Variants in GPR83 observed in about 807,000 individuals in gnomAD.
GPR83 encodes the protein G protein-coupled receptor 83.
Under a neutral mutation model 28.0 loss-of-function variants are expected in GPR83, and 23 were observed. The ratio of observed to expected loss-of-function variants is 0.82; its 90% CI spans 0.59 to 1.16. GPR83 has a LOEUF of 1.16. GPR83 is among the 50% of genes most tolerant of loss of function. The pLI is 0.00. For missense variants in GPR83, 610 were observed against 536.6 expected (o/e 1.14, Z -1.35); for synonymous variants, 234 against 215.4 (o/e 1.09, Z -0.76).
At chr11:94,386,054 A>G (rs1944751498) in intron 3 of GPR83, among the ~76,000 whole-genome samples, 1 of 152,236 alleles carries the variant, frequency 6.6e-6, no homozygotes, top group Non-Finnish European at 1.5e-5. Flanking sequence ...CAACACTCTT[A>G]AAGAAAAGAA....
chr11:94,401,393 C>T lies in GPR83; in HGVS notation c.-146G>A, dbSNP rs1483925283. On this transcript the variant is annotated 5_prime_UTR_variant, in exon 1 of 4. Transcript: ENST00000243673. ...AGCCCGGACGCGCGGAGCACCGCGCCGCCCGCCACCAGCCCGCGGTCGGCA... is the reference window on the plus strand; with the variant it reads ...AGCCCGGACGCGCGGAGCACCGCGCTGCCCGCCACCAGCCCGCGGTCGGCA... 3 of 666,398 alleles carry T rather than the reference C, an allele frequency of 4.5e-6. No individual in the cohort carries two copies. The highest frequency in any genetic ancestry group is 2.8e-5 in the South Asian group (1 of 35,168). 41.3% of individuals were successfully genotyped at this position (666,398 alleles called of 1,614,324 possible).
At position 94,380,307 on chromosome 11, in the gene GPR83, C is replaced by G; in HGVS notation, c.1114G>C (p.Asp372His). ...GAAGGAACTGGGGAGGGTGGCCTGT[C>G]CTCCTGAGGCTTGGGAGGTCTTTGA... The part of the protein sequence containing the change: ...MCQRPPKPQE[D>H]RPPSPVPSFR... Residue 372 changes from aspartate (D) to histidine (H), a missense_variant, in exon 4 of 4, where the codon GAC becomes CAC. Physicochemically the swap from Asp to His is moderately conservative, Grantham distance 81 (BLOSUM62 -1). Coordinates refer to ENST00000243673, the MANE Select transcript of GPR83 (RefSeq NM_016540.4). The G allele has an allele frequency of 1.2e-6, 2 of 1,605,524 alleles. No individual in the cohort carries two copies. Among genetic ancestry groups the G allele is most frequent in the Non-Finnish European group, 1.7e-6 (2 of 1,174,734 alleles).
At chr11:94,385,342 G>A (rs1487996078) in intron 3 of GPR83, among the ~76,000 whole-genome samples, 1 of 152,196 alleles carries the variant, frequency 6.6e-6, no homozygotes, top group Non-Finnish European at 1.5e-5. Flanking sequence ...AAAAAAGCTG[G>A]ACGGAGAATG....
intron 1 of GPR83, among the ~76,000 whole-genome samples, chr11:94,396,904 T>C (rs1944872304): frequency 6.6e-6 from 1 of 151,968 alleles, no homozygotes; most frequent in Non-Finnish European, 1.5e-5. Context: ...ATCTCTTCCT[T>C]ATAGGCTTAG....
chr11:94,386,011 C>T (rs372565295), intron 3 of GPR83, among the ~76,000 whole-genome samples: 1 of 152,122 alleles, frequency 6.6e-6, no homozygotes, highest in Non-Finnish European at 1.5e-5. Context: ...TGGCAGAAAC[C>T]CTACAAGCCA....
At chr11:94,384,225 T>A (rs1241579457) in intron 3 of GPR83, among the ~76,000 whole-genome samples, 3 of 152,088 alleles carry the variant, frequency 2.0e-5, no homozygotes, top group Admixed American at 2.0e-4. Context: ...ACAGAACCAA[T>A]GACAAAAACC....
At chr11:94,396,608 T>G in intron 1 of GPR83, 84 bp from the exon 2 acceptor site, 1 of 1,364,440 alleles carries the variant, frequency 7.3e-7, no homozygotes. Context: ...GAGCATGCCC[T>G]TAGGGGGATT....
intron 3 of GPR83, among the ~76,000 whole-genome samples, chr11:94,389,155 C>T (rs929641022): frequency 6.6e-6 from 1 of 152,134 alleles, no homozygotes; most frequent in African/African-American, 2.4e-5. Flanking sequence ...CTTCCTTACA[C>T]CTTACACAAA....
At chr11:94,398,970 T>C (rs866394318) in intron 1 of GPR83, among the ~76,000 whole-genome samples, 1 of 152,282 alleles carries the variant, frequency 6.6e-6, no homozygotes, top group Middle Eastern at 3.4e-3. Flanking sequence ...TCCTGTCTCT[T>C]GCAGGAGATC....
At chr11:94,397,815 T>C (rs941106061) in intron 1 of GPR83, among the ~76,000 whole-genome samples, 4 of 152,206 alleles carry the variant, frequency 2.6e-5, no homozygotes, top group African/African-American at 4.8e-5. Flanking sequence ...TCCCAGGACC[T>C]GTTTGGGGAA....
chr11:94,386,433 T>C (rs982914290), intron 3 of GPR83, among the ~76,000 whole-genome samples: 8 of 152,126 alleles, frequency 5.3e-5, no homozygotes, highest in African/African-American at 1.7e-4. Flanking sequence ...GTCCCATCAG[T>C]GTGCTGTATT....
rs376138270 is a variant in GPR83 at position 94,401,108 on chromosome 11, T to C, written c.140A>G (p.Tyr47Cys). ...NASHFFSWNN[Y>C]TFSDWQNFVG... ...AAAGTTCTGCCAGTCGGAGAAGGTG[T>C]AGTTGTTCCAAGAGAAGAAGTGCGA... Residue 47 changes from tyrosine (Y) to cysteine (C), a missense_variant, in exon 1 of 4, where the codon TAC becomes TGC. Physicochemically the swap from Tyr to Cys is radical, Grantham distance 194. Transcript: ENST00000243673. 3 of 1,613,996 alleles carry C rather than the reference T, an allele frequency of 1.9e-6. No individual in the cohort carries two copies. The African/African-American group carries it at 4.0e-5, about 22-fold the overall frequency.
intron 3 of GPR83, among the ~76,000 whole-genome samples, chr11:94,385,805 C>T (rs1421843655): frequency 6.6e-6 from 1 of 152,182 alleles, no homozygotes; most frequent in African/African-American, 2.4e-5. Context: ...ATTCCCCAAT[C>T]TAGCAAGGCA....
At chr11:94,399,962 C>T (rs1374248084) in intron 1 of GPR83, among the ~76,000 whole-genome samples, 2 of 152,140 alleles carry the variant, frequency 1.3e-5, no homozygotes, top group Non-Finnish European at 2.9e-5. Context: ...CCAGCCTGCC[C>T]GATTTCTGGG....
At chr11:94,396,584 T>A in intron 1 of GPR83, 60 bp from the exon 2 acceptor site, 2 of 1,580,038 alleles carry the variant, frequency 1.3e-6, no homozygotes, top group Non-Finnish European at 1.7e-6. Flanking sequence ...CACCCATCCC[T>A]AGAGGTCTCT....
rs142658308 is a variant in GPR83 at position 94,380,561 on chromosome 11, T to C, written c.860A>G (p.Lys287Arg). ...CATCAACATCTTGATGGTCTTCTTC[T>C]TTTTGCGCCGCAGGGCAAAGTACTG... ...TEQYFALRRK[K>R]KKTIKMLMLV... The change falls in exon 4 of 4, where the codon AAG becomes AGG. Residue 287 changes from lysine (K) to arginine (R), a missense_variant. Lys to Arg is a conservative substitution (Grantham distance 26, BLOSUM62 2). Transcript: ENST00000243673. 1.1e-4 allele frequency: 180 copies of C among 1,614,176 alleles called. No homozygotes were observed. The African/African-American group carries it at 2.3e-3, about 20-fold the overall frequency.
At chr11:94,400,804 G>C in intron 1 of GPR83, 57 bp downstream of exon 1, 1 of 1,552,102 alleles carries the variant, frequency 6.4e-7, no homozygotes, top group Admixed American at 1.7e-5. Flanking sequence ...CCAGAGAACT[G>C]AGAGAGGAAA....
chr11:94,396,819 T>C (rs1293083729), intron 1 of GPR83, among the ~76,000 whole-genome samples: 1 of 149,398 alleles, frequency 6.7e-6, no homozygotes, highest in Non-Finnish European at 1.5e-5. Context: ...TTTCTTACTG[T>C]GAGGGCTTGG....
chr11:94,388,247 C>T lies in GPR83; in HGVS notation c.647+5238G>A, dbSNP rs574088402. On this transcript the variant is annotated intron_variant, in intron 3 of 3. Coordinates refer to ENST00000243673, the MANE Select transcript of GPR83 (RefSeq NM_016540.4). ...AATGGGCAAAAACTGGAAGCATTCC[C>T]TTTGAAAACTGGCACAAGACAGGCA... Among the ~76,000 whole-genome samples, 19 of 152,282 alleles carry T rather than the reference C, an allele frequency of 1.2e-4. No individual in the cohort carries two copies. The East Asian group carries it at 3.5e-3, about 28-fold the overall frequency.
Sources: gnomAD v4.1 joint callset for allele counts (sites outside exome capture counted in the v4.1 genomes callset) on GRCh38, gnomAD v4.1.1 for gene constraint, MANE v1.5 for transcripts, NCBI Gene and HGNC (gene_info 2026-07-23, HGNC 2026-07-21) for gene names.